The following NDC1 variants were observed in gnomAD, a reference collection of about 807,000 sequenced individuals.
The protein encoded by NDC1 is nucleoporin NDC1.
In NDC1, 24 loss-of-function variants were observed where a neutral mutation model predicts 89.8. The observed-to-expected ratio is 0.27, with a 90% CI of 0.19 to 0.38. The LOEUF is 0.38. Among genes scored for constraint, NDC1 ranks in the 10% least tolerant of loss-of-function variants. The pLI is 1.00. For synonymous variants in NDC1, 296 were observed against 284.8 expected, an observed-to-expected ratio of 1.04 and a Z score of -0.39; for missense variants, 728 against 797.6, an observed-to-expected ratio of 0.91 and a Z score of 1.05.
At chr1:53,797,826 C>T (rs2100652364) in intron 11 of NDC1, among the ~76,000 whole-genome samples, 1 of 152,074 alleles carries the variant, frequency 6.6e-6, no homozygotes, top group African/African-American at 2.4e-5. Flanking sequence ...ACAGATTCGC[C>T]ATGTTTCCCA....
chr1:53,809,754 GA>G lies in NDC1; in HGVS notation c.704-9del. 1 of 1,609,294 alleles carries G rather than the reference GA, an allele frequency of 6.2e-7. No individual in the cohort carries two copies. The highest frequency in any genetic ancestry group is 8.5e-7 in the Non-Finnish European group (1 of 1,176,320). ...AAGCTTTGGGAATATAGCCTGAAGG[GA>G]AAAAATACCAAGCTATGAACATAAA... On this transcript the variant is annotated splice_polypyrimidine_tract_variant and intron_variant, in intron 6 of 17. Coordinates refer to ENST00000371429, the MANE Select transcript of NDC1 (RefSeq NM_018087.5).
chr1:53,838,231 C>A lies in NDC1; in HGVS notation c.31G>T (p.Gly11Cys), dbSNP rs1403180918. Reference protein sequence around the residue: MATAVSRPCAGRSRDILWRVL... With the variant: MATAVSRPCACRSRDILWRVL... ...CGCCACAGTATGTCCCGCGACCTGC[C>A]GGCGCAGGGCCGGCTCACGGCCGTG... is the stretch of plus-strand genomic sequence containing the variant. The change falls in exon 1 of 18, where the codon GGC becomes TGC. Residue 11 changes from glycine to cysteine, a missense_variant. Gly to Cys is a radical substitution (Grantham distance 159). Transcript: ENST00000371429. The A allele has an allele frequency of 1.3e-6, 2 of 1,536,634 alleles. No homozygotes were observed. The highest frequency in any genetic ancestry group is 2.0e-5 in the Admixed American group (1 of 50,938).
intron 10 of NDC1, among the ~76,000 whole-genome samples, chr1:53,802,252 T>C (rs1207429622): frequency 6.6e-6 from 1 of 152,178 alleles, no homozygotes; most frequent in Admixed American, 6.5e-5. Context: ...TCCAGTCAAT[T>C]ACATTTTTAT....
intron 3 of NDC1, among the ~76,000 whole-genome samples, chr1:53,831,315 CTAATT>C (rs1386675943): frequency 3.9e-5 from 6 of 151,996 alleles, no homozygotes; most frequent in East Asian, 1.9e-4. Context: ...TTATGATAAA[CTAATT>C]TAAGGTTTAG....
At chr1:53,817,974 T>G (rs1265637442) in intron 6 of NDC1, among the ~76,000 whole-genome samples, 1 of 152,170 alleles carries the variant, frequency 6.6e-6, no homozygotes, top group Non-Finnish European at 1.5e-5. Context: ...ATTCCACAAG[T>G]TTCCCCTACC....
chr1:53,800,935 A>G, intron 10 of NDC1, 87 bp from the exon 11 acceptor site: 1 of 1,323,380 alleles, frequency 7.6e-7, no homozygotes, highest in Admixed American at 2.5e-5. Flanking sequence ...AAGAAATTCT[A>G]CATTATGCTT....
At chr1:53,769,179 C>G (rs529004415) in intron 17 of NDC1, among the ~76,000 whole-genome samples, 1 of 152,196 alleles carries the variant, frequency 6.6e-6, no homozygotes, top group South Asian at 2.1e-4. Flanking sequence ...AAGACCCTGA[C>G]TCAAAAAAAT....
At chr1:53,782,625 A>G (rs1647222687) in intron 16 of NDC1, among the ~76,000 whole-genome samples, 1 of 152,356 alleles carries the variant, frequency 6.6e-6, no homozygotes, top group African/African-American at 2.4e-5. Flanking sequence ...GGGCTCTTAC[A>G]TTGGGTCCAT....
At chr1:53,803,672 C>G (rs528464140) in intron 10 of NDC1, among the ~76,000 whole-genome samples, 46 of 152,248 alleles carry the variant, frequency 3.0e-4, no homozygotes, top group African/African-American at 1.0e-3. Context: ...CCCAGGCTCA[C>G]GCCATTCTCC....
intron 4 of NDC1, among the ~76,000 whole-genome samples, chr1:53,826,683 T>C (rs1237709664): frequency 6.6e-6 from 1 of 152,158 alleles, no homozygotes; most frequent in Non-Finnish European, 1.5e-5. Flanking sequence ...CTTGAGAATC[T>C]CTATGATCTA....
At chr1:53,836,999 A>G (rs994486318) in intron 1 of NDC1, among the ~76,000 whole-genome samples, 1 of 152,270 alleles carries the variant, frequency 6.6e-6, no homozygotes, top group Non-Finnish European at 1.5e-5. Context: ...AGACACTGTC[A>G]GCCAAGTGCG....
In NDC1 at chr1:53,767,961, A is replaced by G. The variant is rs150627210; in HGVS notation, c.*9T>C. 7.8e-4 allele frequency: 1,233 copies of G among 1,575,560 alleles called. 12 individuals carry two copies. In the African/African-American group the frequency reaches 0.015, roughly 19 times the overall value. On this transcript the variant is annotated 3_prime_UTR_variant, in exon 18 of 18. Coordinates refer to ENST00000371429, the MANE Select transcript of NDC1 (RefSeq NM_018087.5). ...CAGCAGTGTAATGAACACAGTTTAT[A>G]TTACTTAACTATTCTTTGAACTCCA...
intron 11 of NDC1, among the ~76,000 whole-genome samples, 169 bp downstream of exon 11, chr1:53,800,524 A>G (rs1197016588): frequency 6.6e-6 from 1 of 151,952 alleles, no homozygotes; most frequent in Non-Finnish European, 1.5e-5. Flanking sequence ...ACAGAGTTTC[A>G]CCATGTGGGT....
chr1:53,772,614 A>T, intron 16 of NDC1, 125 bp from the exon 17 acceptor site: 2 of 744,822 alleles, frequency 2.7e-6, no homozygotes, highest in Non-Finnish European at 4.4e-6. Flanking sequence ...GCTTGAGCCC[A>T]GGAGTTCCAC....
chr1:53,778,952 G>A lies in NDC1; in HGVS notation c.1801-6463C>T, dbSNP rs139114269. Among the ~76,000 whole-genome samples the A allele has an allele frequency of 5.6e-3, 844 of 151,830 alleles. 16 individuals are homozygous for A. Among genetic ancestry groups the A allele is most frequent in the Admixed American group, 0.046 (706 of 15,236 alleles). On this transcript the variant is annotated intron_variant, in intron 16 of 17. Coordinates refer to ENST00000371429, the MANE Select transcript of NDC1 (RefSeq NM_018087.5). Reference sequence around the variant, plus strand: ...AGCTCCGGAGTTCAAGAGCAGCCTGGACAACATGGCAAGAACCTGTCTCTA... The same window carrying A: ...AGCTCCGGAGTTCAAGAGCAGCCTGAACAACATGGCAAGAACCTGTCTCTA...
At position 53,797,093 on chromosome 1, in the gene NDC1, A is replaced by C; in HGVS notation, c.1274T>G (p.Val425Gly). The C allele has an allele frequency of 6.2e-7, 1 of 1,614,160 alleles. No homozygotes were observed. ...PKSSQMPRPS[V>G]PPLVKTSLFS... The stretch of plus-strand genomic sequence containing the variant: ...CAGTGATGTTTTAACTAATGGTGGC[A>C]CTGAAGGCCGAGGCATCTGGCTAGA... The change falls in exon 12 of 18, where the codon GTG becomes GGG. Residue 425 changes from valine to glycine, a missense_variant. Transcript: ENST00000371429.
At position 53,803,961 on chromosome 1, in the gene NDC1, G is replaced by T; in HGVS notation, c.1033C>A (p.Arg345=). Residue 345 remains arginine (R), a synonymous_variant, in exon 10 of 18, where the codon CGA becomes AGA. Coordinates refer to ENST00000371429, the MANE Select transcript of NDC1 (RefSeq NM_018087.5). ...LMLLSQYSPS[R]RQEVFSLSQP... is the part of the protein sequence containing the mutation. Reference sequence around the variant, plus strand: ...CTGAGGCTGAAAACTTCTTGTCTTCGTGAAGGAGAATATTGAGAAAGCAAC... The same window carrying T: ...CTGAGGCTGAAAACTTCTTGTCTTCTTGAAGGAGAATATTGAGAAAGCAAC... The T allele has an allele frequency of 6.2e-7, 1 of 1,613,936 alleles. No homozygotes were observed.
rs986614469 is a variant in NDC1 at position 53,801,446 on chromosome 1, C to T, written c.1067-598G>A. On this transcript the variant is annotated intron_variant, in intron 10 of 17. Coordinates refer to ENST00000371429, the MANE Select transcript of NDC1 (RefSeq NM_018087.5). ...TATTATTTAACTTAAACTACTGTGT[C>T]CCCATTCCTTTAAAAATTCCCTTAT... Among the ~76,000 whole-genome samples the T allele has an allele frequency of 5.9e-5, 9 of 152,298 alleles. 1 individual carries two copies. Among genetic ancestry groups the T allele is most frequent in the African/African-American group, 1.9e-4 (8 of 41,562 alleles).
At chr1:53,790,719 A>AAAC (rs373166493) in intron 14 of NDC1, among the ~76,000 whole-genome samples, 143 of 152,170 alleles carry the variant, frequency 9.4e-4, no homozygotes, top group Middle Eastern at 3.4e-3. Context: ...ATAAATAAAT[A>AAAC]AACAACAACA....
Sources: allele counts gnomAD v4.1 joint callset (sites outside exome capture counted in the v4.1 genomes callset), GRCh38; gene constraint gnomAD v4.1.1; transcripts MANE v1.5; gene names NCBI Gene and HGNC (gene_info 2026-07-23, HGNC 2026-07-21).